The following NEK11 variants were observed in gnomAD, a reference collection of about 807,000 sequenced individuals.
NEK11 encodes the protein serine/threonine-protein kinase Nek11.
NEK11 carries 72 observed loss-of-function variants against 80.7 expected under a neutral mutation model. The observed-to-expected ratio is 0.89, with a 90% CI of 0.74 to 1.08. The LOEUF is 1.08. Ranked by LOEUF, NEK11 falls within the 50% of genes least tolerant of loss-of-function variation. The pLI, the probability that NEK11 is intolerant of heterozygous loss-of-function variation, is 0.00. For synonymous variants in NEK11, 251 were observed against 260.7 expected, an observed-to-expected ratio of 0.96 and a Z score of 0.36; for missense variants, 764 against 763.6, an observed-to-expected ratio of 1.00 and a Z score of -0.01.
At chr3:131,099,191 G>A (rs979026632) in intron 4 of NEK11, among the ~76,000 whole-genome samples, 13 of 152,150 alleles carry the variant, frequency 8.5e-5, no homozygotes, top group African/African-American at 3.1e-4. Context: ...TTCTGCATAT[G>A]GCCAGCCAGT....
chr3:131,262,675 G>C (rs368408209), intron 16 of NEK11, among the ~76,000 whole-genome samples: 97 of 152,214 alleles, frequency 6.4e-4, no homozygotes, highest in African/African-American at 2.1e-3. Flanking sequence ...TTAGGGTTTT[G>C]TATTATACTT....
chr3:131,152,786 T>G, intron 9 of NEK11, 77 bp downstream of exon 9: 3 of 1,020,784 alleles, frequency 2.9e-6, no homozygotes, highest in Non-Finnish European at 4.5e-6. Flanking sequence ...AGATATGCAG[T>G]GGGGATATGA....
At chr3:131,115,666 G>A (rs1045982676) in intron 5 of NEK11, among the ~76,000 whole-genome samples, 1 of 152,136 alleles carries the variant, frequency 6.6e-6, no homozygotes, top group South Asian at 2.1e-4. Context: ...TTCTGGGCGG[G>A]GAGTTCAGTT....
At chr3:131,287,235 C>T (rs2096484191) in intron 17 of NEK11, among the ~76,000 whole-genome samples, 1 of 152,066 alleles carries the variant, frequency 6.6e-6, no homozygotes, top group Non-Finnish European at 1.5e-5. Flanking sequence ...ACCCATGGCC[C>T]ACTTTATCTG....
intron 5 of NEK11, among the ~76,000 whole-genome samples, chr3:131,126,470 A>G (rs1174241946): frequency 3.9e-5 from 6 of 152,208 alleles, no homozygotes; most frequent in Admixed American, 3.9e-4. Flanking sequence ...TTATTTAGCT[A>G]TTATTAAAAA....
intron 14 of NEK11, among the ~76,000 whole-genome samples, chr3:131,182,444 C>T (rs1044495791): frequency 6.6e-6 from 1 of 152,142 alleles, no homozygotes; most frequent in Admixed American, 6.5e-5. Context: ...TATAACTCAC[C>T]AGGTAGACTT....
chr3:131,254,259 G>A (rs1196187770), intron 16 of NEK11, among the ~76,000 whole-genome samples: 2 of 152,286 alleles, frequency 1.3e-5, no homozygotes, highest in South Asian at 2.1e-4. Context: ...TGGTCGCAAT[G>A]TGTCAGTAAC....
intron 3 of NEK11, among the ~76,000 whole-genome samples, chr3:131,058,783 G>T (rs546801698): frequency 6.6e-6 from 1 of 152,226 alleles, no homozygotes; most frequent in South Asian, 2.1e-4. Context: ...ATACCTATTA[G>T]CTCTCCCATC....
At chr3:131,146,798 G>C (rs1367320639) in intron 7 of NEK11, among the ~76,000 whole-genome samples, 1 of 151,988 alleles carries the variant, frequency 6.6e-6, no homozygotes, top group Non-Finnish European at 1.5e-5. Flanking sequence ...CTTTTCTGAT[G>C]ACTAAAAATG....
rs573997852 is a variant in NEK11, at chr3:131,310,215, A to G, written c.1718+36641A>G. 2.0e-5 allele frequency among the ~76,000 whole-genome samples: 3 copies of G among 152,050 alleles called. No homozygotes were observed. In the South Asian group the frequency reaches 6.2e-4, roughly 32 times the overall value. ...AGGTCATAAAAAGTATTTATTCTCT[A>G]TTGTACCCTTGAGTCTCCAAAAGTT... On this transcript the variant is annotated intron_variant, in intron 17 of 17. Transcript: ENST00000383366.
chr3:131,302,476 T>G (rs1274718330), intron 17 of NEK11, among the ~76,000 whole-genome samples: 2 of 152,150 alleles, frequency 1.3e-5, no homozygotes, highest in African/African-American at 4.8e-5. Flanking sequence ...AACTTTTTGA[T>G]GTGAACATCT....
chr3:131,172,302 T>C lies in NEK11; in HGVS notation c.1399+1415T>C, dbSNP rs187717892. Among the ~76,000 whole-genome samples, 355 of 152,362 alleles carry C rather than the reference T, an allele frequency of 2.3e-3. 1 individual carries two copies. The highest frequency in any genetic ancestry group is 8.0e-3 in the African/African-American group (334 of 41,584). ...GTGCATCCTTATGGCTGCACAATGA[T>C]GTAACAGCTCTTTTTGGCAGCAGTT... is the stretch of plus-strand genomic sequence containing the variant. On this transcript the variant is annotated intron_variant, in intron 14 of 17. Coordinates refer to ENST00000383366, the MANE Select transcript of NEK11 (RefSeq NM_024800.5).
chr3:131,275,715 C>T (rs1178220100), intron 17 of NEK11, among the ~76,000 whole-genome samples: 7 of 152,208 alleles, frequency 4.6e-5, no homozygotes, highest in Non-Finnish European at 1.0e-4. Flanking sequence ...GTTTCAAAGA[C>T]TTAGAAGCCA....
rs1457907976 is a variant in NEK11 at position 131,272,743 on chromosome 3, C to T, written c.1622-735C>T. 4.6e-5 allele frequency among the ~76,000 whole-genome samples: 7 copies of T among 152,008 alleles called. No homozygotes were observed. The South Asian group carries it at 6.2e-4, about 14-fold the overall frequency. On this transcript the variant is annotated intron_variant, in intron 16 of 17. Coordinates refer to ENST00000383366, the MANE Select transcript of NEK11 (RefSeq NM_024800.5). Reference sequence around the variant, plus strand: ...CGCCCACCTCAGCCTTCCAAAATGCCGGGATTACAGGCATGAGCCACTGCA... The same window carrying T: ...CGCCCACCTCAGCCTTCCAAAATGCTGGGATTACAGGCATGAGCCACTGCA...
intron 15 of NEK11, among the ~76,000 whole-genome samples, chr3:131,232,703 G>C (rs989896289): frequency 2.0e-5 from 3 of 152,130 alleles, no homozygotes; most frequent in Admixed American, 6.6e-5. Flanking sequence ...GATAGGCAAG[G>C]CCTGAGATTC....
chr3:131,322,801 C>T (rs1015555400), intron 17 of NEK11, among the ~76,000 whole-genome samples: 1 of 152,202 alleles, frequency 6.6e-6, no homozygotes, highest in Non-Finnish European at 1.5e-5. Context: ...GGGTCACATA[C>T]TGAGCACTGA....
At chr3:131,314,790 T>A (rs886487820) in intron 17 of NEK11, among the ~76,000 whole-genome samples, 1 of 152,248 alleles carries the variant, frequency 6.6e-6, no homozygotes, top group East Asian at 1.9e-4. Flanking sequence ...TCAGTTGTCC[T>A]GGGACAAGCC....
chr3:131,285,342 C>A (rs1180878910), intron 17 of NEK11, among the ~76,000 whole-genome samples: 1 of 152,144 alleles, frequency 6.6e-6, no homozygotes, highest in Non-Finnish European at 1.5e-5. Context: ...GTCAACAGCA[C>A]AGGGTGCACT....
At chr3:131,299,712 C>G (rs904413378) in intron 17 of NEK11, among the ~76,000 whole-genome samples, 1 of 152,148 alleles carries the variant, frequency 6.6e-6, no homozygotes, top group East Asian at 1.9e-4. Context: ...TGATCTCATT[C>G]TTTTTATGAC....
Sources: allele counts gnomAD v4.1 joint callset (sites outside exome capture counted in the v4.1 genomes callset), GRCh38; gene constraint gnomAD v4.1.1; transcripts MANE v1.5; gene names NCBI Gene and HGNC (gene_info 2026-07-23, HGNC 2026-07-21).